The following ASTN2 variants were observed in gnomAD, a reference collection of about 807,000 sequenced individuals.
The protein encoded by ASTN2 is astrotactin 2.
In ASTN2, 54 loss-of-function variants were observed where a neutral mutation model predicts 139.8. The observed-to-expected ratio is 0.39, with a 90% CI of 0.31 to 0.48. The LOEUF is 0.48. Ranked by LOEUF, ASTN2 falls within the 20% of genes least tolerant of loss-of-function variation. The pLI is 0.95. For missense variants in ASTN2, 1,565 were observed against 1,725.1 expected (o/e 0.91, Z 1.64); for synonymous variants, 756 against 719.5 (o/e 1.05, Z -0.81).
At chr9:116,970,227 A>G (rs1836148948) in intron 10 of ASTN2, among the ~76,000 whole-genome samples, 1 of 152,184 alleles carries the variant, frequency 6.6e-6, no homozygotes, top group Non-Finnish European at 1.5e-5. Context: ...TTTTCCAAAT[A>G]ACATAATATT....
intron 12 of ASTN2, among the ~76,000 whole-genome samples, chr9:116,811,963 T>A (rs1280111876): frequency 6.6e-6 from 1 of 152,242 alleles, no homozygotes; most frequent in Non-Finnish European, 1.5e-5. Flanking sequence ...GTTTGAGAAC[T>A]TCTTATGTTG....
At chr9:116,584,194 T>A (rs1854060851) in intron 19 of ASTN2, 1 of 152,154 alleles carries the variant, frequency 6.6e-6, no homozygotes, top group South Asian at 2.1e-4. Context: ...TAAACGGAAT[T>A]TTCCAGGAAA....
intron 8 of ASTN2, 122 bp downstream of exon 8, chr9:116,976,579 G>A (rs1415259011): frequency 1.3e-6 from 1 of 792,794 alleles, no homozygotes; most frequent in Non-Finnish European, 2.0e-6. Flanking sequence ...GGTTTTGCAG[G>A]AACACTACTG....
intron 13 of ASTN2, among the ~76,000 whole-genome samples, chr9:116,767,280 A>G (rs761928473): frequency 4.6e-5 from 7 of 152,042 alleles, no homozygotes; most frequent in Admixed American, 2.0e-4. Context: ...TACCCTCCAC[A>G]CAGGCTCCAG....
intron 5 of ASTN2, among the ~76,000 whole-genome samples, chr9:117,076,757 C>T (rs1440083980): frequency 6.6e-6 from 1 of 152,158 alleles, no homozygotes; most frequent in Non-Finnish European, 1.5e-5. Context: ...CTACCTGCCT[C>T]ATGTGGTCCA....
At chr9:116,857,694 T>A (rs1328402762) in intron 11 of ASTN2, among the ~76,000 whole-genome samples, 4 of 152,190 alleles carry the variant, frequency 2.6e-5, no homozygotes, top group Admixed American at 6.5e-5. Context: ...GTTTGTATAA[T>A]GGGAGAGGGT....
intron 1 of ASTN2, among the ~76,000 whole-genome samples, chr9:117,348,996 T>C (rs1194526341): frequency 6.6e-6 from 1 of 151,898 alleles, no homozygotes; most frequent in Non-Finnish European, 1.5e-5. Context: ...GTCAAAACAA[T>C]TGAGTTGTCT....
chr9:116,613,785 A>C (rs1855683463), intron 19 of ASTN2, among the ~76,000 whole-genome samples: 1 of 152,154 alleles, frequency 6.6e-6, no homozygotes, highest in Admixed American at 6.5e-5. Flanking sequence ...AATGGGCAAA[A>C]ACTGGAAGCA....
At chr9:117,397,686 AC>A (rs1460966176) in intron 1 of ASTN2, among the ~76,000 whole-genome samples, 2 of 152,194 alleles carry the variant, frequency 1.3e-5, no homozygotes, top group Non-Finnish European at 2.9e-5. Flanking sequence ...TGCGTCTATT[AC>A]TTTTTATGAT....
chr9:116,778,038 G>C (rs1226029824), intron 13 of ASTN2, among the ~76,000 whole-genome samples: 1 of 152,050 alleles, frequency 6.6e-6, no homozygotes, highest in African/African-American at 2.4e-5. Context: ...GTAGAGACGG[G>C]GTTTCACCAT....
At chr9:116,818,968 A>G (rs1298169442) in intron 12 of ASTN2, among the ~76,000 whole-genome samples, 1 of 152,160 alleles carries the variant, frequency 6.6e-6, no homozygotes, top group Non-Finnish European at 1.5e-5. Context: ...TCTCTTCAGA[A>G]TTATCATTAT....
intron 13 of ASTN2, among the ~76,000 whole-genome samples, chr9:116,798,018 T>A (rs1204147420): frequency 6.6e-6 from 1 of 152,168 alleles, no homozygotes; most frequent in East Asian, 1.9e-4. Context: ...CATCTGTAAC[T>A]ACAGCACTTT....
intron 16 of ASTN2, among the ~76,000 whole-genome samples, chr9:116,689,211 C>T (rs1860439621): frequency 6.6e-6 from 1 of 152,136 alleles, no homozygotes; most frequent in Admixed American, 6.5e-5. Flanking sequence ...CTAGCTCTAT[C>T]TCTTCCTGAC....
chr9:116,771,576 G>A lies in ASTN2; in HGVS notation c.2396+34056C>T, dbSNP rs182199824. Among the ~76,000 whole-genome samples the A allele has an allele frequency of 3.0e-4, 46 of 152,226 alleles. No individual in the cohort carries two copies. In the East Asian group the frequency reaches 8.3e-3, roughly 27 times the overall value. On this transcript the variant is annotated intron_variant, in intron 13 of 22. Coordinates refer to ENST00000313400, the MANE Select transcript of ASTN2 (RefSeq NM_001365068.1). ...AATCTGGCACATAGTAGGAGCTCAT[G>A]AATGAATGAATGAATGAATGAATCT...
intron 16 of ASTN2, among the ~76,000 whole-genome samples, chr9:116,677,990 A>C (rs1588179849): frequency 6.6e-6 from 1 of 152,218 alleles, no homozygotes; most frequent in East Asian, 1.9e-4. Flanking sequence ...AGCTCTGATT[A>C]ATTGGCTTAG....
intron 1 of ASTN2, among the ~76,000 whole-genome samples, chr9:117,317,102 A>ACT (rs756922551): frequency 4.0e-5 from 6 of 148,224 alleles, no homozygotes; most frequent in Admixed American, 2.0e-4. Flanking sequence ...CACTCTCCTC[A>ACT]CTCTCTCTCT....
intron 10 of ASTN2, among the ~76,000 whole-genome samples, chr9:116,876,329 T>C (rs1351570241): frequency 1.3e-5 from 2 of 152,318 alleles, no homozygotes; most frequent in East Asian, 1.9e-4. Context: ...TAATGAGAAG[T>C]TGCTTCTTGT....
At chr9:116,453,334 C>A (rs535557417) in intron 20 of ASTN2, among the ~76,000 whole-genome samples, 1 of 152,206 alleles carries the variant, frequency 6.6e-6, no homozygotes, top group African/African-American at 2.4e-5. Context: ...TGGCTCACGC[C>A]TGTAATCCTA....
At chr9:117,404,142 A>G (rs1178899393) in intron 1 of ASTN2, among the ~76,000 whole-genome samples, 1 of 152,230 alleles carries the variant, frequency 6.6e-6, no homozygotes, top group African/African-American at 2.4e-5. Flanking sequence ...TAGTGTAAGT[A>G]AAAAGTTAGC....
Sources: gnomAD v4.1 joint callset for allele counts (sites outside exome capture counted in the v4.1 genomes callset) on GRCh38, gnomAD v4.1.1 for gene constraint, MANE v1.5 for transcripts, NCBI Gene and HGNC (gene_info 2026-07-23, HGNC 2026-07-21) for gene names.